TENM1: variants seen among roughly 807,000 people sequenced by gnomAD.
TENM1 encodes the protein teneurin transmembrane protein 1.
A neutral mutation model predicts 174.8 loss-of-function variants in TENM1; 35 were observed. The ratio of observed to expected loss-of-function variants is 0.20; its 90% confidence interval spans 0.15 to 0.27. The LOEUF is 0.27. TENM1 is among the 10% of genes least tolerant of loss of function. The probability of loss-of-function intolerance (pLI) is 1.00; values close to 1 mark genes in which losing one functional copy is unlikely to be tolerated. For synonymous variants in TENM1, 781 were observed against 798.7 expected, an observed-to-expected ratio of 0.98 and a Z score of 0.37; for missense variants, 1,633 against 2,130.1, an observed-to-expected ratio of 0.77 and a Z score of 4.59.
chrX:124,657,795 C>T (rs1178796509), intron 6 of TENM1, among the ~76,000 whole-genome samples: 1 of 111,614 alleles, frequency 9.0e-6, no homozygotes, highest in Non-Finnish European at 1.9e-5. Flanking sequence ...CCCATAACAG[C>T]AATCTGAGTT....
chrX:124,673,213 T>C (rs1308032332), intron 5 of TENM1, among the ~76,000 whole-genome samples: 1 of 111,706 alleles, frequency 9.0e-6, no homozygotes, highest in African/African-American at 3.3e-5. Context: ...GTACATGATG[T>C]ATCTGAGGCA....
chrX:125,176,119 A>G, the TENM1 span, among the ~76,000 whole-genome samples: 527 of 111,775 alleles, frequency 4.7e-3, 4 homozygotes, highest in Admixed American at 0.011. Flanking sequence ...ACACATCAGA[A>G]TTCTGTTTTC....
intron 23 of TENM1, 124 bp downstream of exon 26, chrX:124,453,213 T>G: frequency 4.5e-6 from 3 of 665,751 alleles, no homozygotes; most frequent in Non-Finnish European, 6.5e-6. Context: ...AAGAGAAACT[T>G]CTGCTATCTG....
chrX:124,606,674 C>T (rs1372216212), intron 11 of TENM1, among the ~76,000 whole-genome samples: 4 of 111,280 alleles, frequency 3.6e-5, no homozygotes, highest in Non-Finnish European at 7.6e-5. Context: ...AGATAAGCTG[C>T]AGAAGTCACT....
chrX:124,493,140 A>G (rs922128609), intron 20 of TENM1, among the ~76,000 whole-genome samples: 1 of 111,634 alleles, frequency 9.0e-6, no homozygotes, highest in African/African-American at 3.2e-5. Flanking sequence ...GGCATTGGAT[A>G]GTACTTCAAA....
At chrX:124,664,679 GGTGTGTGTGTGTGT>G (rs576286188) in intron 6 of TENM1, among the ~76,000 whole-genome samples, 126 of 86,967 alleles carry the variant, frequency 1.4e-3, no homozygotes, top group Admixed American at 2.4e-3. Context: ...GTACTTGTGG[GGTGTGTGTGTGTGT>G]GTGTGTGTGT....
At chrX:124,857,223 C>T (rs751320040) in intron 3 of TENM1, among the ~76,000 whole-genome samples, 8 of 109,705 alleles carry the variant, frequency 7.3e-5, no homozygotes, top group Admixed American at 4.9e-4. Context: ...TAATTATCAG[C>T]GGGGAAAAAT....
At chrX:125,053,475 T>G in the TENM1 span, among the ~76,000 whole-genome samples, 1 of 112,253 alleles carries the variant, frequency 8.9e-6, no homozygotes, top group Non-Finnish European at 1.9e-5. Context: ...TTAGTGATTT[T>G]CAAAGTATTT....
intron 18 of TENM1, among the ~76,000 whole-genome samples, chrX:124,516,239 A>G (rs1357386819): frequency 8.9e-6 from 1 of 112,236 alleles, no homozygotes; most frequent in Non-Finnish European, 1.9e-5. Context: ...ACCCAAAACT[A>G]TAAAAACCCT....
At chrX:125,115,878 CG>C in the TENM1 span, among the ~76,000 whole-genome samples, 3 of 105,991 alleles carry the variant, frequency 2.8e-5, no homozygotes, top group African/African-American at 1.0e-4. Flanking sequence ...CACAGAATTA[CG>C]AAAAAAAAAA....
intron 3 of TENM1, among the ~76,000 whole-genome samples, chrX:124,784,005 G>A (rs1279573038): frequency 8.9e-6 from 1 of 112,667 alleles, no homozygotes; most frequent in Non-Finnish European, 1.9e-5. Flanking sequence ...TGAGATTTGA[G>A]CTGCAGCTCA....
At chrX:124,458,536 T>C (rs1057374212) in intron 22 of TENM1, among the ~76,000 whole-genome samples, 1 of 112,686 alleles carries the variant, frequency 8.9e-6, no homozygotes, top group Non-Finnish European at 1.9e-5. Context: ...TTTTGTTTAA[T>C]AAAATGTTCT....
At position 124,796,826 on chromosome X, in the gene TENM1, A is replaced by C. The variant is rs749110329; in HGVS notation, c.536-59629T>G. Among the ~76,000 whole-genome samples, 26 of 111,750 alleles carry C rather than the reference A, an allele frequency of 2.3e-4. No homozygotes were observed. In the East Asian group the frequency reaches 4.8e-3, roughly 21 times the overall value. ...ATTGTTATAATTGGCCTCTTTATGAAAAAAAGAGACATTTTCCTAGATTGT... is the reference window on the plus strand; with the variant it reads ...ATTGTTATAATTGGCCTCTTTATGACAAAAAGAGACATTTTCCTAGATTGT... On this transcript the variant is annotated intron_variant, in intron 3 of 31. Coordinates refer to ENST00000422452, the Ensembl canonical transcript of TENM1.
intron 5 of TENM1, among the ~76,000 whole-genome samples, chrX:124,704,422 G>A (rs1234175324): frequency 8.9e-6 from 1 of 111,872 alleles, no homozygotes; most frequent in Admixed American, 9.5e-5. Flanking sequence ...GGTGACTCAA[G>A]AACAACAACA....
exon 25 of TENM1, chrX:124,420,474 G>T: frequency 7.4e-6 from 9 of 1,212,138 alleles, no homozygotes; most frequent in Non-Finnish European, 6.7e-6. Context: ...GGCACCACAA[G>T]CCATAGCGGC....
chrX:124,793,267 G>T (rs949276536), intron 3 of TENM1, among the ~76,000 whole-genome samples: 1 of 111,118 alleles, frequency 9.0e-6, no homozygotes, highest in Non-Finnish European at 1.9e-5. Flanking sequence ...TACTACTCTG[G>T]TAATTATTTT....
At chrX:124,482,865 G>C (rs972328050) in intron 21 of TENM1, among the ~76,000 whole-genome samples, 1 of 111,978 alleles carries the variant, frequency 8.9e-6, no homozygotes, top group South Asian at 3.7e-4. Context: ...CCTAAGGTTT[G>C]TGTAATACTG....
At chrX:124,794,534 C>T (rs2055258727) in intron 3 of TENM1, among the ~76,000 whole-genome samples, 2 of 110,909 alleles carry the variant, frequency 1.8e-5, no homozygotes, top group Non-Finnish European at 3.8e-5. Context: ...CTCTATCCAC[C>T]TCTCTCTGTT....
At chrX:124,593,148 G>A (rs2049802631) in intron 11 of TENM1, among the ~76,000 whole-genome samples, 1 of 111,710 alleles carries the variant, frequency 9.0e-6, no homozygotes, top group Admixed American at 9.5e-5. Context: ...ACAAGCACCA[G>A]TGCCAAGTGA....
Sources: allele counts gnomAD v4.1 joint callset (sites outside exome capture counted in the v4.1 genomes callset), GRCh38; gene constraint gnomAD v4.1.1; transcripts MANE v1.5; gene names NCBI Gene and HGNC (gene_info 2026-07-23, HGNC 2026-07-21).